Variants in MALAT1 observed in about 807,000 individuals in gnomAD.
MALAT1 encodes metastasis associated lung adenocarcinoma transcript 1.
intron 3 of MALAT1, chr11:65,505,654 G>A (rs1189664752): frequency 3.9e-6 from 2 of 518,956 alleles, no homozygotes; most frequent in African/African-American, 1.9e-5. Flanking sequence ...ATCCATAATC[G>A]GTTTCAAGGT....
At chr11:65,501,714 A>C (rs1213257814) in exon 3 of MALAT1, 3 of 518,870 alleles carry the variant, frequency 5.8e-6, no homozygotes, top group Non-Finnish European at 1.2e-5. Context: ...GTTGAAGCTG[A>C]AAAGTACAGC....
chr11:65,502,227 A>G (rs527438736), exon 3 of MALAT1: 1 of 518,944 alleles, frequency 1.9e-6, no homozygotes, highest in South Asian at 1.4e-5. Flanking sequence ...AACTACAATT[A>G]TGGGAAATGC....
At chr11:65,499,157 A>C (rs1854477007) in exon 3 of MALAT1, 1 of 512,822 alleles carries the variant, frequency 1.9e-6, no homozygotes, top group African/African-American at 1.9e-5. Flanking sequence ...CAACTACTTA[A>C]AAAATATAGT....
intron 2 of MALAT1, chr11:65,498,891 G>T (rs531902218): frequency 1.9e-6 from 1 of 518,414 alleles, no homozygotes; most frequent in East Asian, 5.4e-5. Context: ...AGTTCCATAA[G>T]CTGTTAAGAA....
At chr11:65,498,552 A>G (rs764719819) in intron 1 of MALAT1, 4 of 518,474 alleles carry the variant, frequency 7.7e-6, no homozygotes, top group African/African-American at 1.9e-5. Flanking sequence ...AGCAAGTCGC[A>G]GGACTGCAAG....
exon 3 of MALAT1, chr11:65,502,092 G>GT (rs1565053416): frequency 9.7e-6 from 5 of 516,582 alleles, no homozygotes; most frequent in South Asian, 7.0e-5. Flanking sequence ...GGGTGTACCA[G>GT]TGCATTAATT....
At chr11:65,500,722 A>G (rs760519480) in exon 3 of MALAT1, 1 of 519,054 alleles carries the variant, frequency 1.9e-6, no homozygotes, top group Non-Finnish European at 3.8e-6. Flanking sequence ...ATCCTAGACC[A>G]GCATGCCAGT....
exon 3 of MALAT1, chr11:65,499,082 G>T (rs960751530): frequency 5.8e-6 from 3 of 518,244 alleles, no homozygotes; most frequent in Non-Finnish European, 7.7e-6. Context: ...TTCTGCTGAG[G>T]GGGCAGGCGG....
exon 3 of MALAT1, chr11:65,500,038 AT>A (rs1277350861): frequency 9.2e-6 from 4 of 433,738 alleles, no homozygotes; most frequent in South Asian, 1.7e-5. Flanking sequence ...CATCAATTTA[AT>A]TTCTGGTGGT....
At position 65,504,679 on chromosome 11, in the gene MALAT1, CAAG is replaced by C. The variant is rs1331928150; in HGVS notation, n.5168+777_5168+779del. ...CCAGATGCAACCTTAAAATCAGTGACAAGAAACATTCCAAACAAGCAACAGTCT... is the reference window on the plus strand; with the variant it reads ...CCAGATGCAACCTTAAAATCAGTGACAAACATTCCAAACAAGCAACAGTCT... On this transcript the variant is annotated intron_variant and non_coding_transcript_variant, in intron 3 of 3. Transcript: ENST00000619449. 7.7e-6 allele frequency: 4 copies of C among 518,888 alleles called. 1 individual carries two copies. The highest frequency in any genetic ancestry group is 7.7e-6 in the Non-Finnish European group (2 of 259,832). The allele number at this position is 518,888 out of a possible 1,614,324, so 32.1% of individuals were successfully genotyped here.
intron 1 of MALAT1, chr11:65,497,912 T>C (rs1412841249): frequency 1.9e-6 from 1 of 518,760 alleles, no homozygotes; most frequent in South Asian, 1.4e-5. Context: ...CCCAGAGTCC[T>C]TGGGACGCAG....
chr11:65,500,177 T>TG (rs1173358129), exon 3 of MALAT1: 6 of 506,146 alleles, frequency 1.2e-5, no homozygotes, highest in Non-Finnish European at 2.4e-5. Context: ...CTAAAAGGAC[T>TG]GGTGTAATTT....
rs11227209 is a variant in MALAT1, at chr11:65,497,960, C to G, written n.178+95C>G. 2.2e-3 allele frequency: 1,146 copies of G among 518,968 alleles called. 28 individuals are homozygous for G. In the East Asian group the frequency reaches 0.054, roughly 25 times the overall value. The allele number at this position is 518,968 out of a possible 1,614,324, so 32.1% of individuals were successfully genotyped here. ...CTGCTATCTTAGCTGTCCTTATAGGCTGGCCATTCCAGGTGGTGGTATTTA... is the reference window on the plus strand; with the variant it reads ...CTGCTATCTTAGCTGTCCTTATAGGGTGGCCATTCCAGGTGGTGGTATTTA... On this transcript the variant is annotated intron_variant and non_coding_transcript_variant, in intron 1 of 3. Coordinates refer to ENST00000619449, the Ensembl canonical transcript of MALAT1.
At chr11:65,502,114 AGT>A (rs1565053433) in exon 3 of MALAT1, 2 of 515,836 alleles carry the variant, frequency 3.9e-6, no homozygotes. Context: ...GGGCAAGGAA[AGT>A]GTCATAATTT....
In MALAT1 at chr11:65,498,007, C is replaced by G. The variant is rs370703622; in HGVS notation, n.178+142C>G. On this transcript the variant is annotated intron_variant and non_coding_transcript_variant, in intron 1 of 3. Transcript: ENST00000619449. ...TTTAGATAAAACCACTCAAACTCTGCAGTTTGGTCTTGGGGTTTGGAGGAA... is the reference window on the plus strand; with the variant it reads ...TTTAGATAAAACCACTCAAACTCTGGAGTTTGGTCTTGGGGTTTGGAGGAA... 325 of 518,932 alleles carry G rather than the reference C, an allele frequency of 6.3e-4. 5 individuals are homozygous for G. The highest frequency in any genetic ancestry group is 4.5e-3 in the South Asian group (320 of 71,592). 32.1% of individuals were successfully genotyped at this position (518,932 alleles called of 1,614,324 possible).
chr11:65,504,994 A>T (rs1369198372), intron 3 of MALAT1: 1 of 518,746 alleles, frequency 1.9e-6, no homozygotes, highest in African/African-American at 1.9e-5. Context: ...AGTTGAATTC[A>T]CCAGTGGACA....
intron 3 of MALAT1, chr11:65,505,017 C>T (rs759328207): frequency 1.9e-6 from 1 of 518,892 alleles, no homozygotes; most frequent in Admixed American, 1.9e-5. Flanking sequence ...ATGAGGAAAA[C>T]AGGTGAACAA....
exon 1 of MALAT1, chr11:65,497,794 C>T (rs750230013): frequency 1.4e-5 from 7 of 500,030 alleles, no homozygotes; most frequent in East Asian, 5.5e-5. Context: ...CTGGCCTCTC[C>T]TGCCCTCTTA....
rs1235452962 is a variant in MALAT1, at chr11:65,504,094, G to T, written n.5168+189G>T. The T allele has an allele frequency of 1.4e-5, 7 of 517,630 alleles. 1 individual carries two copies. Among genetic ancestry groups the T allele is most frequent in the South Asian group, 2.8e-5 (2 of 71,388 alleles). 32.1% of individuals were successfully genotyped at this position (517,630 alleles called of 1,614,324 possible). A position where few individuals can be genotyped will look rare whatever the true frequency, so the allele number is the denominator to read the frequency against. ...CTATTGACCTTATATAGGGAAGGGA[G>T]GGGGTGCCTGTGGGGTTTTAAAGAA... is the stretch of plus-strand genomic sequence containing the variant. On this transcript the variant is annotated intron_variant and non_coding_transcript_variant, in intron 3 of 3. Coordinates refer to ENST00000619449, the Ensembl canonical transcript of MALAT1.
Sources: allele counts gnomAD v4.1 joint callset, GRCh38; gene constraint gnomAD v4.1.1; transcripts MANE v1.5; gene names NCBI Gene and HGNC (gene_info 2026-07-23, HGNC 2026-07-21).